CLASP2: variants seen among roughly 807,000 people sequenced by gnomAD.
The protein encoded by CLASP2 is cytoplasmic linker associated protein 2.
In CLASP2, 47 loss-of-function variants were observed where a neutral mutation model predicts 194.4. The ratio of observed to expected loss-of-function variants is 0.24; its 90% CI spans 0.19 to 0.31. CLASP2 has a LOEUF of 0.31. CLASP2 is among the 10% of genes least tolerant of loss of function. The probability of loss-of-function intolerance (pLI) is 1.00; values close to 1 mark genes in which losing one functional copy is unlikely to be tolerated. For missense variants in CLASP2, 1,445 were observed against 1,823.6 expected (o/e 0.79, Z 3.78); for synonymous variants, 619 against 633.5 (o/e 0.98, Z 0.34).
At chr3:33,660,712 G>A (rs1179649548) in intron 7 of CLASP2, among the ~76,000 whole-genome samples, 3 of 152,124 alleles carry the variant, frequency 2.0e-5, no homozygotes, top group African/African-American at 4.8e-5. Flanking sequence ...AATTTATTTT[G>A]CATAAATGCA....
intron 18 of CLASP2, among the ~76,000 whole-genome samples, chr3:33,597,195 T>G (rs749705135): frequency 1.3e-5 from 2 of 152,158 alleles, no homozygotes; most frequent in African/African-American, 4.8e-5. Flanking sequence ...TCTTAGAACT[T>G]TCAGCCCCTT....
chr3:33,688,673 A>G (rs1022779569), intron 3 of CLASP2, among the ~76,000 whole-genome samples: 1 of 152,224 alleles, frequency 6.6e-6, no homozygotes, highest in East Asian at 1.9e-4. Context: ...GATTTCTTCT[A>G]TAATTAAGAA....
intron 25 of CLASP2, among the ~76,000 whole-genome samples, chr3:33,571,953 TAAG>T (rs2063870405): frequency 6.6e-6 from 1 of 152,202 alleles, no homozygotes; most frequent in South Asian, 2.1e-4. Context: ...GGTTAAAAGT[TAAG>T]AAGAAAAATA....
intron 14 of CLASP2, 75 bp from the exon 15 acceptor site, chr3:33,607,536 T>C (rs1441347180): frequency 1.1e-6 from 1 of 918,762 alleles, no homozygotes; most frequent in Non-Finnish European, 1.6e-6. Context: ...AAGGCCTATA[T>C]GTTACATATT....
At chr3:33,571,168 C>T (rs1251172724) in intron 25 of CLASP2, among the ~76,000 whole-genome samples, 11 of 151,668 alleles carry the variant, frequency 7.3e-5, no homozygotes, top group African/African-American at 2.4e-5. Flanking sequence ...CGCCCGCCAC[C>T]TCGCCCAGCT....
At chr3:33,666,254 G>A (rs540550416) in intron 6 of CLASP2, among the ~76,000 whole-genome samples, 2 of 152,196 alleles carry the variant, frequency 1.3e-5, no homozygotes, top group Admixed American at 6.5e-5. Flanking sequence ...ACAATATAAC[G>A]ATTTTTAGTA....
intron 18 of CLASP2, among the ~76,000 whole-genome samples, chr3:33,601,758 T>C (rs1457629609): frequency 5.3e-5 from 8 of 152,220 alleles, no homozygotes; most frequent in Admixed American, 5.2e-4. Context: ...TTATACCAGA[T>C]TGTAAACCAT....
chr3:33,565,336 A>C (rs943778027), intron 27 of CLASP2, among the ~76,000 whole-genome samples: 2 of 151,594 alleles, frequency 1.3e-5, no homozygotes, highest in Non-Finnish European at 2.9e-5. Flanking sequence ...GCGCCACCAC[A>C]CTCGGCTAAT....
rs2093374475 is a variant in CLASP2, at chr3:33,717,980, T to C, written c.23A>G (p.Tyr8Cys). Residue 8 changes from tyrosine to cysteine, a missense_variant, in exon 1 of 39, where the codon TAC (tyrosine) becomes TGC (cysteine). Coordinates refer to ENST00000682230, the MANE Select transcript of CLASP2 (RefSeq NM_001365631.1). ...CTTCTGCTGCACCTGGGCGCAGAAG[T>C]ACTCCATGCTGCGGGGCTCCATGGC... is the stretch of plus-strand genomic sequence containing the variant. The part of the protein sequence containing the change: MEPRSME[Y>C]FCAQVQQKDV... The C allele has an allele frequency of 1.3e-6, 2 of 1,532,066 alleles. No homozygotes were observed. The highest frequency in any genetic ancestry group is 8.8e-7 in the Non-Finnish European group (1 of 1,142,440). 94.9% of individuals were successfully genotyped at this position (1,532,066 alleles called of 1,614,324 possible).
At chr3:33,657,329 T>A (rs943736707) in intron 7 of CLASP2, among the ~76,000 whole-genome samples, 5 of 152,156 alleles carry the variant, frequency 3.3e-5, no homozygotes, top group Non-Finnish European at 7.4e-5. Context: ...ATTGTTTAAA[T>A]TTTTTATAAA....
At chr3:33,517,810 G>A (rs946075419) in intron 34 of CLASP2, among the ~76,000 whole-genome samples, 25 of 152,212 alleles carry the variant, frequency 1.6e-4, no homozygotes, top group African/African-American at 6.0e-4. Flanking sequence ...CTACAGGTGT[G>A]TACCTACACA....
intron 32 of CLASP2, among the ~76,000 whole-genome samples, chr3:33,542,662 TTATA>T (rs143138765): frequency 0.025 from 3,811 of 150,236 alleles, 166 homozygotes; most frequent in African/African-American, 0.087. Flanking sequence ...ATGTAATTCA[TTATA>T]TATGATACAT....
At chr3:33,572,900 T>C (rs1004020327) in intron 25 of CLASP2, among the ~76,000 whole-genome samples, 5 of 150,156 alleles carry the variant, frequency 3.3e-5, no homozygotes, top group African/African-American at 1.2e-4. Flanking sequence ...TTTTGCTTAA[T>C]AGAACAAATA....
Position 33,573,301 on chromosome 3 carries a change from G to T in CLASP2, c.2508C>A (p.Asp836Glu). Residue 836 changes from aspartate to glutamate, a missense_variant, in exon 25 of 39, where the codon GAC (aspartate) becomes GAA (glutamate). Physicochemically the swap from Asp to Glu is conservative, Grantham distance 45. Coordinates refer to ENST00000682230, the MANE Select transcript of CLASP2 (RefSeq NM_001365631.1). The part of the protein sequence containing the change: ...YESYGMHSDD[D>E]ANSDASSACS... ...AAGCACTAGATGCATCGCTGTTGGC[G>T]TCATCATCTGAATGCATTCCATATG... 2.5e-6 allele frequency: 4 copies of T among 1,613,730 alleles called. No homozygotes were observed. Among genetic ancestry groups the T allele is most frequent in the Non-Finnish European group, 3.4e-6 (4 of 1,179,730 alleles).
chr3:33,572,904 A>G (rs1388388682), intron 25 of CLASP2, among the ~76,000 whole-genome samples: 1 of 150,362 alleles, frequency 6.7e-6, no homozygotes, highest in Admixed American at 6.7e-5. Flanking sequence ...GCTTAATAGA[A>G]CAAATAATTT....
chr3:33,514,580 C>A, intron 36 of CLASP2: 1 of 203,344 alleles, frequency 4.9e-6, no homozygotes, highest in Non-Finnish European at 1.1e-5. Flanking sequence ...CCATAGATAC[C>A]TAATGCTATT....
At chr3:33,645,673 T>C (rs976239321) in intron 7 of CLASP2, among the ~76,000 whole-genome samples, 21 of 152,138 alleles carry the variant, frequency 1.4e-4, no homozygotes, top group African/African-American at 2.4e-5. Context: ...ACATGAAAAT[T>C]TATATAAATA....
At position 33,560,949 on chromosome 3, in the gene CLASP2, G is replaced by C. The variant is rs1464677548; in HGVS notation, c.2789C>G (p.Thr930Ser). The C allele has an allele frequency of 6.2e-7, 1 of 1,613,616 alleles. No homozygotes were observed. Among genetic ancestry groups the C allele is most frequent in the Non-Finnish European group, 8.5e-7 (1 of 1,179,788 alleles). The change falls in exon 28 of 39, where the codon ACT becomes AGT. Residue 930 changes from threonine (T) to serine (S), a missense_variant. By Grantham distance (58) the Thr-to-Ser change is moderately conservative. Transcript: ENST00000682230. ...GKRVFSMFLE[T>S]LVDFIQVHKD... ...GTGGACTTGTATGAAATCCACTAGAGTCTCCAAAAACATGCTGAATACCTA... is the reference window on the plus strand; with the variant it reads ...GTGGACTTGTATGAAATCCACTAGACTCTCCAAAAACATGCTGAATACCTA...
At chr3:33,707,044 C>A (rs1257682507) in intron 1 of CLASP2, among the ~76,000 whole-genome samples, 2 of 152,208 alleles carry the variant, frequency 1.3e-5, no homozygotes, top group East Asian at 1.9e-4. Flanking sequence ...AATGACCAAA[C>A]AAGGAACATG....
Sources: gnomAD v4.1 joint callset for allele counts (sites outside exome capture counted in the v4.1 genomes callset) on GRCh38, gnomAD v4.1.1 for gene constraint, MANE v1.5 for transcripts, NCBI Gene and HGNC (gene_info 2026-07-23, HGNC 2026-07-21) for gene names.